Variants in PDS5A observed in about 807,000 individuals in gnomAD.
PDS5A encodes the protein PDS5 cohesin associated factor A.
A neutral mutation model predicts 167.1 loss-of-function variants in PDS5A; 42 were observed. That is an observed-to-expected ratio of 0.25 (90% CI 0.20 to 0.33). PDS5A has a LOEUF of 0.33. PDS5A is among the 10% of genes least tolerant of loss of function. PDS5A has a pLI of 1.00. For missense variants in PDS5A, 1,033 were observed against 1,605.9 expected (o/e 0.64, Z 6.10); for synonymous variants, 553 against 554.6 (o/e 1.00, Z 0.04).
At position 39,927,982 on chromosome 4, in the gene PDS5A, A is replaced by G; in HGVS notation, c.321T>C (p.Tyr107=). 1.9e-6 allele frequency: 3 copies of G among 1,613,244 alleles called. No homozygotes were observed. Among genetic ancestry groups the G allele is most frequent in the Non-Finnish European group, 2.5e-6 (3 of 1,179,196 alleles). The part of the protein sequence containing the change: ...IFRIYAPEAP[Y]TSHDKLKDIF... Reference sequence around the variant, plus strand: ...TTACCTTAAGTTTATCATGGGAAGTATATGGAGCTTCTGGGGCATAGATAC... The same window carrying G: ...TTACCTTAAGTTTATCATGGGAAGTGTATGGAGCTTCTGGGGCATAGATAC... The change falls in exon 3 of 33, where the codon TAT becomes TAC. Residue 107 remains tyrosine (Y), a synonymous_variant. Coordinates refer to ENST00000303538, the MANE Select transcript of PDS5A (RefSeq NM_001100399.2).
intron 2 of PDS5A, among the ~76,000 whole-genome samples, chr4:39,956,021 C>T (rs1052225020): frequency 2.7e-5 from 4 of 150,168 alleles, no homozygotes; most frequent in South Asian, 2.1e-4. Flanking sequence ...GGGAGGCTGA[C>T]GTGGGAGGAT....
intron 5 of PDS5A, among the ~76,000 whole-genome samples, chr4:39,923,211 C>G (rs2109720442): frequency 6.6e-6 from 1 of 151,566 alleles, no homozygotes; most frequent in African/African-American, 2.4e-5. Context: ...ACCTGGAATT[C>G]CAGTTTCTGG....
At position 39,930,207 on chromosome 4, in the gene PDS5A, C is replaced by A. The variant is rs544713545; in HGVS notation, c.139-2043G>T. Among the ~76,000 whole-genome samples, 733 of 81,486 alleles carry A rather than the reference C, an allele frequency of 9.0e-3. 8 individuals are homozygous for A. The highest frequency in any genetic ancestry group is 0.03 in the African/African-American group (672 of 22,720). The allele number at this position is 81,486 out of a possible 152,430, so 53.5% of individuals were successfully genotyped here. On this transcript the variant is annotated intron_variant, in intron 2 of 32. Coordinates refer to ENST00000303538, the MANE Select transcript of PDS5A (RefSeq NM_001100399.2). ...CTCCAGCCTGGGCAACAGAGTGAGA[C>A]TCCATCTCAAAAAAAAAAAAAAAAA...
chr4:39,857,234 C>T (rs1718600992), intron 26 of PDS5A, among the ~76,000 whole-genome samples: 3 of 151,942 alleles, frequency 2.0e-5, no homozygotes, highest in Admixed American at 2.0e-4. Context: ...TGCCTGTAGT[C>T]CCAGCTACTC....
At chr4:39,944,526 C>T (rs1727558868) in intron 2 of PDS5A, among the ~76,000 whole-genome samples, 1 of 151,884 alleles carries the variant, frequency 6.6e-6, no homozygotes, top group South Asian at 2.1e-4. Context: ...AAGCCCGTCT[C>T]TACTAAAAAT....
At chr4:39,930,246 A>AAAATT in intron 2 of PDS5A, among the ~76,000 whole-genome samples, 5 of 93,088 alleles carry the variant, frequency 5.4e-5, no homozygotes, top group Non-Finnish European at 1.1e-4. Flanking sequence ...AAAAAAAAAA[A>AAAATT]GTTTTTTTGT....
chr4:39,957,731 G>C (rs928666434), intron 2 of PDS5A, among the ~76,000 whole-genome samples: 3 of 145,600 alleles, frequency 2.1e-5, no homozygotes, highest in African/African-American at 5.1e-5. Context: ...AGCTTGCAGT[G>C]AGCTGAGACT....
intron 2 of PDS5A, chr4:39,973,044 TTTTTTTC>T: frequency 1.8e-6 from 1 of 571,246 alleles, no homozygotes; most frequent in South Asian, 1.9e-5. Flanking sequence ...TTTTGCAATT[TTTTTTTC>T]CATATTTAAG....
At chr4:39,862,730 A>T (rs1382218533) in intron 25 of PDS5A, 139 bp downstream of exon 25, 1 of 624,350 alleles carries the variant, frequency 1.6e-6, no homozygotes, top group South Asian at 2.0e-5. Context: ...TAAGTACATC[A>T]TAACTACAAT....
chr4:39,829,639 T>A (rs1447960799), intron 32 of PDS5A, among the ~76,000 whole-genome samples: 2 of 148,880 alleles, frequency 1.3e-5, no homozygotes, highest in African/African-American at 5.0e-5. Context: ...AGAGTGAGAC[T>A]TCATCTCCAC....
At chr4:39,939,864 C>G (rs1727062337) in intron 2 of PDS5A, among the ~76,000 whole-genome samples, 1 of 152,076 alleles carries the variant, frequency 6.6e-6, no homozygotes, top group Admixed American at 6.6e-5. Flanking sequence ...CTGTATAATA[C>G]TTTGGATATA....
intron 28 of PDS5A, 59 bp from the exon 29 acceptor site, chr4:39,845,939 T>G (rs1205625392): frequency 8.2e-7 from 1 of 1,225,148 alleles, no homozygotes; most frequent in Non-Finnish European, 1.1e-6. Flanking sequence ...ACATGAGTAT[T>G]TTAATTATCT....
At chr4:39,837,127 T>C (rs183762825) in intron 32 of PDS5A, 6 of 151,878 alleles carry the variant, frequency 4.0e-5, no homozygotes, top group African/African-American at 1.4e-4. Flanking sequence ...CCACTGAGCA[T>C]GGCCTGACAT....
chr4:39,865,177 T>C (rs1484112493), intron 23 of PDS5A, among the ~76,000 whole-genome samples: 1 of 152,200 alleles, frequency 6.6e-6, no homozygotes, highest in Non-Finnish European at 1.5e-5. Context: ...TGATTAAGTT[T>C]AAATTGTATT....
intron 8 of PDS5A, among the ~76,000 whole-genome samples, chr4:39,915,868 G>A (rs1724329072): frequency 6.6e-6 from 1 of 152,072 alleles, no homozygotes; most frequent in Non-Finnish European, 1.5e-5. Flanking sequence ...TTCAAAAGAG[G>A]ACATTTCACA....
chr4:39,851,053 C>G (rs1171114446), intron 26 of PDS5A, among the ~76,000 whole-genome samples: 2 of 152,078 alleles, frequency 1.3e-5, no homozygotes, highest in African/African-American at 2.4e-5. Context: ...TTGGTTGTTT[C>G]AATAATATTT....
At chr4:39,907,496 C>T (rs1723484808) in intron 11 of PDS5A, among the ~76,000 whole-genome samples, 1 of 152,070 alleles carries the variant, frequency 6.6e-6, no homozygotes, top group Admixed American at 6.6e-5. Context: ...ATCAGCCTGC[C>T]TTACACATCT....
intron 6 of PDS5A, among the ~76,000 whole-genome samples, 161 bp from the exon 7 acceptor site, chr4:39,920,560 C>T (rs978696271): frequency 6.6e-6 from 1 of 152,140 alleles, no homozygotes; most frequent in African/African-American, 2.4e-5. Flanking sequence ...CAAGGTTTTG[C>T]CAAATATCCT....
intron 2 of PDS5A, among the ~76,000 whole-genome samples, chr4:39,947,517 T>C (rs904174241): frequency 6.6e-6 from 1 of 152,158 alleles, no homozygotes; most frequent in African/African-American, 2.4e-5. Context: ...CTAACAGTAG[T>C]GTCCAATCCT....
Sources: gnomAD v4.1 joint callset for allele counts (sites outside exome capture counted in the v4.1 genomes callset) on GRCh38, gnomAD v4.1.1 for gene constraint, MANE v1.5 for transcripts, NCBI Gene and HGNC (gene_info 2026-07-23, HGNC 2026-07-21) for gene names.